KCNN1: variants seen among roughly 807,000 people sequenced by gnomAD.
The protein encoded by KCNN1 is potassium calcium-activated channel subfamily N member 1, also known as small conductance calcium-activated potassium channel protein 1.
Under a neutral mutation model 44.7 loss-of-function variants are expected in KCNN1, and 20 were observed. That is an observed-to-expected ratio of 0.45 (90% CI 0.32 to 0.65). The LOEUF (loss-of-function observed/expected upper bound fraction) is 0.65, where lower values mean the gene tolerates loss of function less well. KCNN1 is among the 30% of genes least tolerant of loss of function. KCNN1 has a pLI of 0.05. For missense variants in KCNN1, 632 were observed against 785.3 expected (o/e 0.80, Z 2.33); for synonymous variants, 324 against 341.7 (o/e 0.95, Z 0.57).
chr19:17,961,377 G>C (rs2145904963), intron 2 of KCNN1, among the ~76,000 whole-genome samples: 1 of 151,686 alleles, frequency 6.6e-6, no homozygotes, highest in South Asian at 2.1e-4. Context: ...AGGAATATGA[G>C]AGCAGCCTGG....
chr19:17,966,965 G>T (rs1335974064), upstream of KCNN1, among the ~76,000 whole-genome samples: 1 of 151,810 alleles, frequency 6.6e-6, no homozygotes, highest in Non-Finnish European at 1.5e-5. Flanking sequence ...CGCATGCCGG[G>T]GGGTTGCAGG....
At chr19:17,992,939 C>CG in intron 7 of KCNN1, 115 bp from the exon 8 acceptor site, 1 of 1,360,774 alleles carries the variant, frequency 7.3e-7, no homozygotes. Context: ...GAACCCCGCG[C>CG]GGGGCCCTAG....
intron 5 of KCNN1, among the ~76,000 whole-genome samples, chr19:17,987,828 A>G (rs2032650147): frequency 7.9e-6 from 1 of 127,372 alleles, no homozygotes; most frequent in African/African-American, 3.2e-5. Context: ...GAGACCCCAT[A>G]TCGCTACCAA....
chr19:17,963,339 G>C (rs1415024475), upstream of KCNN1, among the ~76,000 whole-genome samples: 1 of 137,932 alleles, frequency 7.2e-6, no homozygotes, highest in Non-Finnish European at 1.5e-5. Flanking sequence ...TTGAGATAGA[G>C]TCTCACTCTG....
intron 5 of KCNN1, among the ~76,000 whole-genome samples, chr19:17,987,751 C>A (rs2032646883): frequency 6.8e-6 from 1 of 148,052 alleles, no homozygotes. Flanking sequence ...AATCCCAGCA[C>A]TTTGGGAGGC....
intron 3 of KCNN1, 117 bp downstream of exon 3, chr19:17,975,304 A>G (rs2032170409): frequency 1.8e-5 from 12 of 677,002 alleles, no homozygotes. Flanking sequence ...TTGGCTTCTG[A>G]TAGAAAAAAG....
chr19:17,986,606 CCTT>C (rs1375499822), intron 5 of KCNN1, among the ~76,000 whole-genome samples: 2 of 152,178 alleles, frequency 1.3e-5, no homozygotes, highest in African/African-American at 4.8e-5. Context: ...CTTTCCAGAG[CCTT>C]CTTTCTCTCC....
intron 5 of KCNN1, among the ~76,000 whole-genome samples, chr19:17,986,864 C>T (rs114471878): frequency 0.13 from 19,520 of 152,062 alleles, 1,355 homozygotes; most frequent in East Asian, 0.2. Flanking sequence ...TGGAGTGCAA[C>T]GGCACGATCC....
intron 2 of KCNN1, among the ~76,000 whole-genome samples, chr19:17,959,057 G>A (rs4808726): frequency 0.21 from 31,157 of 150,830 alleles, 3,428 homozygotes; most frequent in East Asian, 0.37. Context: ...TTGCTCTGTC[G>A]CCCAGGCTGG....
chr19:17,962,810 C>G (rs1467062055), upstream of KCNN1, among the ~76,000 whole-genome samples: 1 of 151,540 alleles, frequency 6.6e-6, no homozygotes, highest in East Asian at 1.9e-4. Context: ...TGGGTTCAAG[C>G]GATCTTCTGC....
upstream of KCNN1, among the ~76,000 whole-genome samples, chr19:17,966,964 G>C (rs1446278675): frequency 4.6e-5 from 7 of 151,772 alleles, no homozygotes; most frequent in Admixed American, 4.6e-4. Context: ...CCGCATGCCG[G>C]GGGGTTGCAG....
intron 2 of KCNN1, among the ~76,000 whole-genome samples, chr19:17,959,722 A>G (rs2031634093): frequency 6.6e-6 from 1 of 152,108 alleles, no homozygotes; most frequent in Non-Finnish European, 1.5e-5. Flanking sequence ...TAAAAAAATG[A>G]TTCCCTCTAG....
In KCNN1 at chr19:17,993,868, C is replaced by G. The variant is rs1040973710; in HGVS notation, c.1377+309C>G. Reference sequence around the variant, plus strand: ...GAGGCTGCAGTGAGCCGAGATGGCACCACTGCAGTCCAGCCTGGGTGACAG... The same window carrying G: ...GAGGCTGCAGTGAGCCGAGATGGCAGCACTGCAGTCCAGCCTGGGTGACAG... On this transcript the variant is annotated intron_variant, in intron 9 of 9. Coordinates refer to ENST00000684775, the MANE Select transcript of KCNN1 (RefSeq NM_001386974.1). This position sits in a 1 kb window ranked among gnomAD's most constrained non-coding sequence, Gnocchi z 4.5. Among the ~76,000 whole-genome samples the G allele has an allele frequency of 5.9e-5, 9 of 152,004 alleles. No individual in the cohort carries two copies. Among genetic ancestry groups the G allele is most frequent in the Non-Finnish European group, 8.8e-5 (6 of 67,996 alleles).
At chr19:17,967,758 C>A (rs1337487745) in intron 1 of KCNN1, among the ~76,000 whole-genome samples, 18 of 152,068 alleles carry the variant, frequency 1.2e-4, no homozygotes, top group Admixed American at 1.1e-3. Flanking sequence ...GGACAGAAGT[C>A]CCGGACCCAG....
In KCNN1 at chr19:17,998,161, G is replaced by A. The variant is rs200461896; in HGVS notation, c.1387G>A (p.Val463Ile). The part of the protein sequence containing the change: ...TLTDLAKTQT[V>I]MYDLVSELHA... ...TCTCTGTCTCCCGCAGACCCAGACC[G>A]TCATGTACGACCTTGTATCGGAGCT... Residue 463 changes from valine (V) to isoleucine (I), a missense_variant, in exon 10 of 10, where the codon GTC (valine) becomes ATC (isoleucine). By Grantham distance (29) the Val-to-Ile change is conservative. Around this residue, in one of 3 missense-constraint regions of KCNN1, gnomAD observed 237 missense variants for 253.0 expected, o/e 0.94. Transcript: ENST00000684775. This position sits in a 1 kb window ranked among gnomAD's most constrained non-coding sequence, Gnocchi z 5.4. 4.8e-5 allele frequency: 76 copies of A among 1,595,842 alleles called. No individual in the cohort carries two copies. The highest frequency in any genetic ancestry group is 1.9e-4 in the South Asian group (17 of 88,756).
At chr19:17,956,100 G>A (rs1692812538) in intron 2 of KCNN1, among the ~76,000 whole-genome samples, 2 of 152,112 alleles carry the variant, frequency 1.3e-5, no homozygotes, top group Admixed American at 1.3e-4. Context: ...ACCACGCACA[G>A]CTAATTTTTG....
In KCNN1 at chr19:17,998,387, C is replaced by T. The variant is rs745569760; in HGVS notation, c.1613C>T (p.Ala538Val). ...TCCCCCTGCCGGTGGACGCCCGTGGCCCCCTCGGACTGCGGGTGACGGCCC... is the reference window on the plus strand; with the variant it reads ...TCCCCCTGCCGGTGGACGCCCGTGGTCCCCTCGGACTGCGGGTGACGGCCC... Reference protein sequence around the residue: ...RSSPCRWTPVAPSDCG With the variant: ...RSSPCRWTPVVPSDCG The change falls in exon 10 of 10, where the codon GCC (alanine) becomes GTC (valine). Residue 538 changes from alanine (A) to valine (V), a missense_variant. Physicochemically the swap from Ala to Val is moderately conservative, Grantham distance 64. Around this residue, in one of 3 missense-constraint regions of KCNN1, gnomAD observed 237 missense variants for 253.0 expected, o/e 0.94. Transcript: ENST00000684775. The surrounding 1 kb of genome is among the most constrained non-coding windows in gnomAD (Gnocchi z 5.4). 7.0e-5 allele frequency: 104 copies of T among 1,483,476 alleles called. No individual in the cohort carries two copies. The East Asian group carries it at 2.5e-3, about 36-fold the overall frequency. 91.9% of individuals were successfully genotyped at this position (1,483,476 alleles called of 1,614,324 possible).
chr19:17,965,001 C>T (rs754104503), upstream of KCNN1, among the ~76,000 whole-genome samples: 56 of 152,208 alleles, frequency 3.7e-4, no homozygotes, highest in African/African-American at 1.2e-3. Flanking sequence ...TCTGGCCAGG[C>T]GCGGTGGCTC....
In KCNN1 at chr19:17,980,413, C is replaced by T. The variant is rs529373237; in HGVS notation, c.499-1296C>T. Among the ~76,000 whole-genome samples, 9 of 151,562 alleles carry T rather than the reference C, an allele frequency of 5.9e-5. No homozygotes were observed. In the South Asian group the frequency reaches 8.4e-4, roughly 14 times the overall value. On this transcript the variant is annotated intron_variant, in intron 3 of 9. Coordinates refer to ENST00000684775, the MANE Select transcript of KCNN1 (RefSeq NM_001386974.1). ...CACTTTTGGAGGTTGTGAATAGTGCCGTTGTGAATGTGTCTGTCCAAGCGT... is the reference window on the plus strand; with the variant it reads ...CACTTTTGGAGGTTGTGAATAGTGCTGTTGTGAATGTGTCTGTCCAAGCGT...
Sources: allele counts gnomAD v4.1 joint callset (sites outside exome capture counted in the v4.1 genomes callset), GRCh38; gene constraint gnomAD v4.1.1; regional missense constraint gnomAD v4.1.1; non-coding constraint Gnocchi (gnomAD v3.1); transcripts MANE v1.5; gene names NCBI Gene and HGNC (gene_info 2026-07-23, HGNC 2026-07-21).